ADRA1A: variants seen among roughly 807,000 people sequenced by gnomAD.
ADRA1A encodes the protein alpha-1A adrenergic receptor.
Under a neutral mutation model 29.6 loss-of-function variants are expected in ADRA1A, and 31 were observed. The observed-to-expected ratio is 1.05, with a 90% CI of 0.79 to 1.41. The LOEUF (loss-of-function observed/expected upper bound fraction) is 1.41, where lower values mean the gene tolerates loss of function less well. ADRA1A is among the 40% of genes most tolerant of loss of function. The pLI is 0.00. For synonymous variants in ADRA1A, 311 were observed against 254.3 expected (o/e 1.22, Z -2.12); for missense variants, 619 against 601.1 (o/e 1.03, Z -0.31).
chr8:26,822,176 CA>C (rs1262879299), intron 2 of ADRA1A, among the ~76,000 whole-genome samples: 1 of 152,132 alleles, frequency 6.6e-6, no homozygotes, highest in Non-Finnish European at 1.5e-5. Flanking sequence ...AAAGTCTTTC[CA>C]AAGTATGGTA....
chr8:26,848,444 G>GCT lies in ADRA1A; in HGVS notation c.883+15641_883+15642dup, dbSNP rs144489462. On this transcript the variant is annotated intron_variant, in intron 2 of 2. Transcript: ENST00000380573. The surrounding 1 kb of genome is among the most constrained non-coding windows in gnomAD (Gnocchi z 4.3). ...TATACAAAGAGGAAGGTACCAGAGA[G>GCT]CTCTCTCTCTCTCTCTCTTCATCAG... Among the ~76,000 whole-genome samples the GCT allele has an allele frequency of 1.5e-4, 23 of 150,046 alleles. No individual in the cohort carries two copies. The highest frequency in any genetic ancestry group is 1.2e-3 in the East Asian group (6 of 5,106).
intron 2 of ADRA1A, among the ~76,000 whole-genome samples, chr8:26,813,935 T>A (rs1809588007): frequency 6.6e-6 from 1 of 152,240 alleles, no homozygotes; most frequent in Middle Eastern, 3.4e-3. Flanking sequence ...TCTCTACAAG[T>A]GACATGGACC....
intron 2 of ADRA1A, among the ~76,000 whole-genome samples, chr8:26,826,523 G>A (rs556813712): frequency 5.3e-5 from 8 of 152,258 alleles, no homozygotes; most frequent in African/African-American, 1.7e-4. Context: ...TGGCCAAAAA[G>A]TCTATTTTGT....
intron 2 of ADRA1A, among the ~76,000 whole-genome samples, chr8:26,859,409 A>G (rs557603597): frequency 6.6e-6 from 1 of 152,280 alleles, no homozygotes; most frequent in South Asian, 2.1e-4. Context: ...GAACTGCTAT[A>G]TTCCTTAGCA....
chr8:26,770,673 G>A lies in ADRA1A; in HGVS notation c.884-7C>T. On this transcript the variant is annotated splice_region_variant and splice_polypyrimidine_tract_variant and intron_variant, in intron 2 of 2. Transcript: ENST00000380573. ...AAATCAGGGAAGAAAGACCCTGGAA[G>A]AAAACACACAGATTTATACATATTA... 6.2e-7 allele frequency: 1 copy of A among 1,604,070 alleles called. No individual in the cohort carries two copies. Among genetic ancestry groups the A allele is most frequent in the Non-Finnish European group, 8.5e-7 (1 of 1,175,760 alleles).
chr8:26,846,214 G>A (rs1047422441), intron 2 of ADRA1A, among the ~76,000 whole-genome samples: 2 of 152,124 alleles, frequency 1.3e-5, no homozygotes, highest in African/African-American at 4.8e-5. Flanking sequence ...CTAAGATGTT[G>A]GCAACACAGT....
At chr8:26,808,540 C>G (rs1198016901) in intron 2 of ADRA1A, among the ~76,000 whole-genome samples, 3 of 152,200 alleles carry the variant, frequency 2.0e-5, no homozygotes, top group Non-Finnish European at 2.9e-5. Context: ...GATGACAAAG[C>G]CCCATTGCGG....
At chr8:26,861,437 G>A (rs1813458693) in intron 2 of ADRA1A, among the ~76,000 whole-genome samples, 1 of 151,742 alleles carries the variant, frequency 6.6e-6, no homozygotes, top group Non-Finnish European at 1.5e-5. Flanking sequence ...AAATAGCTGG[G>A]ACTAAAGGTG....
At chr8:26,786,341 TCTC>T (rs1807388779) in intron 2 of ADRA1A, among the ~76,000 whole-genome samples, 1 of 152,012 alleles carries the variant, frequency 6.6e-6, no homozygotes, top group African/African-American at 2.4e-5. Context: ...CTCAAGCAAT[TCTC>T]CTGCCTCAGC....
At chr8:26,853,804 G>A (rs1458787384) in intron 2 of ADRA1A, 3 of 152,058 alleles carry the variant, frequency 2.0e-5, no homozygotes, top group Non-Finnish European at 4.4e-5. Flanking sequence ...CCCTGAGAAG[G>A]CACATTCAAT....
intron 2 of ADRA1A, among the ~76,000 whole-genome samples, chr8:26,799,340 G>C (rs1192782594): frequency 6.6e-6 from 1 of 152,134 alleles, no homozygotes; most frequent in Non-Finnish European, 1.5e-5. Flanking sequence ...ACTGATCTCT[G>C]GGTGGAGAAA....
downstream of ADRA1A, chr8:26,765,958 C>A (rs200810956): frequency 9.1e-7 from 1 of 1,102,210 alleles, no homozygotes; most frequent in South Asian, 1.7e-5. Context: ...ATCCAGTTTT[C>A]ACTTAGGAAC....
At chr8:26,804,411 G>C (rs1287608487) in intron 2 of ADRA1A, among the ~76,000 whole-genome samples, 3 of 151,984 alleles carry the variant, frequency 2.0e-5, no homozygotes, top group African/African-American at 7.2e-5. Flanking sequence ...TATTACTCTA[G>C]AATAAAAAAG....
At chr8:26,832,152 G>A (rs934663284) in intron 2 of ADRA1A, among the ~76,000 whole-genome samples, 4 of 152,230 alleles carry the variant, frequency 2.6e-5, no homozygotes, top group Non-Finnish European at 5.9e-5. Flanking sequence ...AGTCTTTGGA[G>A]TGGATTAGCC....
In ADRA1A at chr8:26,866,155, C is replaced by G. The variant is rs1030002733; in HGVS notation, c.-686-500G>C. On this transcript the variant is annotated intron_variant, in intron 1 of 2. Coordinates refer to ENST00000380573, the MANE Select transcript of ADRA1A (RefSeq NM_000680.4). The surrounding 1 kb of genome is among the most constrained non-coding windows in gnomAD (Gnocchi z 5.7). ...CCCAGGGACCTCAGGGCCAGGACCA[C>G]GAGCACGCTCACTCTCACGCCGGTG... 1.2e-4 allele frequency among the ~76,000 whole-genome samples: 19 copies of G among 152,124 alleles called. No homozygotes were observed. Among genetic ancestry groups the G allele is most frequent in the African/African-American group, 4.8e-5 (2 of 41,398 alleles).
intron 2 of ADRA1A, among the ~76,000 whole-genome samples, chr8:26,858,873 G>A (rs150151872): frequency 6.6e-6 from 1 of 152,332 alleles, no homozygotes; most frequent in African/African-American, 2.4e-5. Context: ...AGATTAGCAA[G>A]ATTTAGACTT....
chr8:26,864,997 G>T lies in ADRA1A; in HGVS notation c.-28C>A, dbSNP rs761990725. The T allele has an allele frequency of 4.5e-6, 7 of 1,553,366 alleles. No homozygotes were observed. The Admixed American group carries it at 5.6e-5, about 12-fold the overall frequency. ...TCCCAGCCGGGGCCGGGCGAGGTCC[G>T]GCTGTCCAGGGCCACCTCCCGGGCT... On this transcript the variant is annotated 5_prime_UTR_variant, in exon 2 of 3. Transcript: ENST00000380573. The surrounding 1 kb of genome is among the most constrained non-coding windows in gnomAD (Gnocchi z 8.1).
intron 2 of ADRA1A, among the ~76,000 whole-genome samples, chr8:26,827,600 G>A (rs1252336104): frequency 1.3e-5 from 2 of 152,068 alleles, no homozygotes; most frequent in Admixed American, 1.3e-4. Flanking sequence ...CAGCGCTCTG[G>A]GGTTTTTCTT....
intron 2 of ADRA1A, among the ~76,000 whole-genome samples, chr8:26,824,655 C>T (rs1810418602): frequency 6.6e-6 from 1 of 152,056 alleles, no homozygotes; most frequent in Non-Finnish European, 1.5e-5. Context: ...CTTAAGCTCT[C>T]TAATTAGCTA....
Sources: gnomAD v4.1 joint callset for allele counts (sites outside exome capture counted in the v4.1 genomes callset) on GRCh38, gnomAD v4.1.1 for gene constraint, Gnocchi (gnomAD v3.1) non-coding constraint, MANE v1.5 for transcripts, NCBI Gene and HGNC (gene_info 2026-07-23, HGNC 2026-07-21) for gene names.